Variants in GRM1 observed in about 807,000 individuals in gnomAD.
The protein encoded by GRM1 is glutamate metabotropic receptor 1.
GRM1 carries 33 observed loss-of-function variants against 90.9 expected under a neutral mutation model. That is an observed-to-expected ratio of 0.36 (90% confidence interval 0.28 to 0.49). GRM1 has a LOEUF of 0.49. Among genes scored for constraint, GRM1 ranks in the 20% least tolerant of loss-of-function variants. GRM1 has a pLI of 0.99. For missense variants in GRM1, 1,190 were observed against 1,534.3 expected (o/e 0.78, Z 3.75); for synonymous variants, 700 against 613.2 (o/e 1.14, Z -2.09).
At chr6:146,307,891 C>G (rs1583303470) in intron 3 of GRM1, among the ~76,000 whole-genome samples, 1 of 152,312 alleles carries the variant, frequency 6.6e-6, no homozygotes, top group South Asian at 2.1e-4. Flanking sequence ...GTTTAGGAAT[C>G]ACTGTGGCTA....
Position 146,399,679 on chromosome 6 carries a change from G to A in GRM1, c.2640G>A (p.Lys880=), listed in dbSNP as rs758693677. The part of the protein sequence containing the change: ...NTFLNIFRRK[K]AGAGNANSNG... ...TCCTCAACATCTTCCGAAGAAAGAA[G>A]GCAGGGGCAGGGAATGCCAAGTGAG... The change falls in exon 7 of 8, where the codon AAG becomes AAA. Residue 880 remains lysine (K), a synonymous_variant. Coordinates refer to ENST00000282753, the MANE Select transcript of GRM1 (RefSeq NM_001278064.2). The surrounding 1 kb of genome is among the most constrained non-coding windows in gnomAD (Gnocchi z 5.4). 1.2e-6 allele frequency: 2 copies of A among 1,611,790 alleles called. No individual in the cohort carries two copies. The highest frequency in any genetic ancestry group is 1.7e-6 in the Non-Finnish European group (2 of 1,179,382).
chr6:146,304,459 A>G (rs915892368), intron 2 of GRM1, 152 bp from the exon 3 acceptor site: 7 of 692,914 alleles, frequency 1.0e-5, no homozygotes, highest in Non-Finnish European at 1.8e-5. Context: ...AAAACTTTCT[A>G]CTCTCTACCA....
intron 7 of GRM1, among the ~76,000 whole-genome samples, chr6:146,410,286 T>C (rs1190784010): frequency 6.6e-6 from 1 of 152,110 alleles, no homozygotes; most frequent in African/African-American, 2.4e-5. Context: ...GAGTCGACTA[T>C]TTTGCAAACT....
intron 3 of GRM1, among the ~76,000 whole-genome samples, chr6:146,339,543 T>G (rs1446790353): frequency 9.2e-5 from 14 of 152,252 alleles, no homozygotes; most frequent in Admixed American, 9.2e-4. Flanking sequence ...AGGTTTTCTT[T>G]TGAATATTCT....
intron 2 of GRM1, among the ~76,000 whole-genome samples, chr6:146,194,708 C>G (rs991120889): frequency 6.6e-6 from 1 of 152,166 alleles, no homozygotes; most frequent in Admixed American, 6.5e-5. Flanking sequence ...CTCCAAGAAG[C>G]CGCACATACC....
intron 7 of GRM1, among the ~76,000 whole-genome samples, chr6:146,423,562 A>G (rs1778086131): frequency 6.6e-6 from 1 of 152,034 alleles, no homozygotes; most frequent in Non-Finnish European, 1.5e-5. Flanking sequence ...ATATGCCGGA[A>G]GGCCTCAAAG....
intron 1 of GRM1, among the ~76,000 whole-genome samples, chr6:146,032,752 C>G (rs569558868): frequency 6.6e-6 from 1 of 152,128 alleles, no homozygotes; most frequent in Non-Finnish European, 1.5e-5. Context: ...CAGCCATTCC[C>G]TAGTCAATTC....
chr6:146,063,317 T>C (rs1372327443), intron 1 of GRM1, among the ~76,000 whole-genome samples: 1 of 152,362 alleles, frequency 6.6e-6, no homozygotes, highest in Non-Finnish European at 1.5e-5. Context: ...TTGCTAGTTA[T>C]GCTGTTTTTA....
chr6:146,157,158 G>C (rs374539161), intron 1 of GRM1, among the ~76,000 whole-genome samples: 1 of 152,180 alleles, frequency 6.6e-6, no homozygotes, highest in Non-Finnish European at 1.5e-5. Context: ...TTGAGTCCTG[G>C]TATGACAATT....
At chr6:146,172,823 G>C (rs556468162) in intron 2 of GRM1, among the ~76,000 whole-genome samples, 1 of 152,186 alleles carries the variant, frequency 6.6e-6, no homozygotes, top group South Asian at 2.1e-4. Context: ...ATGGCATTTG[G>C]ATTTAAAAAA....
At chr6:146,355,429 G>A (rs566889821) in intron 4 of GRM1, among the ~76,000 whole-genome samples, 3 of 152,284 alleles carry the variant, frequency 2.0e-5, no homozygotes, top group South Asian at 4.1e-4. Context: ...GATGAATAAT[G>A]TGCTCTGGGT....
At chr6:146,253,058 CA>C (rs397826514) in intron 2 of GRM1, among the ~76,000 whole-genome samples, 174 of 147,684 alleles carry the variant, frequency 1.2e-3, no homozygotes, top group African/African-American at 3.8e-3. Flanking sequence ...ATCTCCATCT[CA>C]AAAAAAAAAT....
intron 2 of GRM1, among the ~76,000 whole-genome samples, chr6:146,234,437 G>T (rs1051391769): frequency 2.0e-5 from 3 of 151,694 alleles, no homozygotes; most frequent in Admixed American, 2.0e-4. Context: ...GGTTTTCAAT[G>T]ATTCATTTGT....
rs1164358655 is a variant in GRM1, at chr6:146,139,914, T to TCCCTC, written c.701-19416_701-19412dup. Among the ~76,000 whole-genome samples the TCCCTC allele has an allele frequency of 2.1e-3, 166 of 78,754 alleles. 4 individuals are homozygous for TCCCTC. The highest frequency in any genetic ancestry group is 9.0e-3 in the African/African-American group (146 of 16,220). The allele number at this position is 78,754 out of a possible 152,430, so 51.7% of individuals were successfully genotyped here. On this transcript the variant is annotated intron_variant, in intron 1 of 7. Transcript: ENST00000282753. ...TCCCTTCCCTTCCCTTCCCTTCCCT[T>TCCCTC]CCCTCCCCTCCCCTCCCCTCCCTTC...
intron 2 of GRM1, 132 bp from the exon 3 acceptor site, chr6:146,304,479 T>C: frequency 4.1e-6 from 3 of 725,518 alleles, no homozygotes; most frequent in East Asian, 2.7e-5. Flanking sequence ...AAAAAAAAAG[T>C]TGATGGGTAG....
intron 7 of GRM1, among the ~76,000 whole-genome samples, chr6:146,410,029 A>G (rs1777503944): frequency 6.6e-6 from 1 of 152,236 alleles, no homozygotes; most frequent in Admixed American, 6.5e-5. Flanking sequence ...GGGAATTAAT[A>G]TCTTTTTCCA....
intron 1 of GRM1, among the ~76,000 whole-genome samples, chr6:146,074,095 G>C (rs1294641846): frequency 6.6e-6 from 1 of 152,062 alleles, no homozygotes; most frequent in Non-Finnish European, 1.5e-5. Flanking sequence ...TTCTGAAAGA[G>C]ATACCGAGAT....
intron 3 of GRM1, among the ~76,000 whole-genome samples, chr6:146,339,008 C>T (rs34536120): frequency 0.018 from 2,807 of 152,212 alleles, 102 homozygotes; most frequent in Admixed American, 0.083. Context: ...TATAGTTGGA[C>T]CCACAAAGTT....
chr6:146,273,902 G>C (rs536434285), intron 2 of GRM1, among the ~76,000 whole-genome samples: 1 of 152,150 alleles, frequency 6.6e-6, no homozygotes, highest in African/African-American at 2.4e-5. Flanking sequence ...TGGAGCAGTC[G>C]TAGTATTTGT....
Sources: allele counts gnomAD v4.1 joint callset (sites outside exome capture counted in the v4.1 genomes callset), GRCh38; gene constraint gnomAD v4.1.1; non-coding constraint Gnocchi (gnomAD v3.1); transcripts MANE v1.5; gene names NCBI Gene and HGNC (gene_info 2026-07-23, HGNC 2026-07-21).